Variants in PIP5K1C observed in about 807,000 individuals in gnomAD.
The protein encoded by PIP5K1C is phosphatidylinositol 4-phosphate 5-kinase type-1 gamma.
In PIP5K1C, 45 loss-of-function variants were observed where a neutral mutation model predicts 80.1. The ratio of observed to expected loss-of-function variants is 0.56; its 90% CI spans 0.44 to 0.72. The LOEUF (loss-of-function observed/expected upper bound fraction) is 0.72, where lower values mean the gene tolerates loss of function less well. Among genes scored for constraint, PIP5K1C ranks in the 30% least tolerant of loss-of-function variants. PIP5K1C has a pLI of 0.00. For missense variants in PIP5K1C, 753 were observed against 954.6 expected, an observed-to-expected ratio of 0.79 and a Z score of 2.78; for synonymous variants, 498 against 420.1, an observed-to-expected ratio of 1.19 and a Z score of -2.27.
intron 1 of PIP5K1C, among the ~76,000 whole-genome samples, chr19:3,682,762 C>T (rs1600076111): frequency 6.6e-6 from 1 of 152,272 alleles, no homozygotes; most frequent in East Asian, 1.9e-4. Context: ...CCAGTTGAGC[C>T]TTCAGAGGAG....
At chr19:3,697,348 G>C (rs1217297947) in intron 1 of PIP5K1C, among the ~76,000 whole-genome samples, 1 of 151,754 alleles carries the variant, frequency 6.6e-6, no homozygotes, top group Non-Finnish European at 1.5e-5. Flanking sequence ...GGACCGGGGA[G>C]GACCGAGCCA....
intron 6 of PIP5K1C, among the ~76,000 whole-genome samples, chr19:3,654,510 T>C (rs1446608632): frequency 6.6e-6 from 1 of 152,216 alleles, no homozygotes; most frequent in Non-Finnish European, 1.5e-5. Context: ...AAGAATGGTT[T>C]TTCCATTTTT....
At chr19:3,653,618 G>C (rs971983303) in intron 6 of PIP5K1C, 29 bp from the exon 7 acceptor site, 20 of 1,589,878 alleles carry the variant, frequency 1.3e-5, no homozygotes, top group Non-Finnish European at 1.7e-5. Flanking sequence ...AAGTCGTGGA[G>C]GGCGGCTGGG....
At chr19:3,639,604 T>TC (rs2033877995) in intron 15 of PIP5K1C, among the ~76,000 whole-genome samples, 1 of 152,040 alleles carries the variant, frequency 6.6e-6, no homozygotes. Context: ...ACTAATTTTT[T>TC]TTTTTTTTTT....
chr19:3,678,357 G>T (rs2035463163), intron 1 of PIP5K1C, among the ~76,000 whole-genome samples: 1 of 141,934 alleles, frequency 7.0e-6, no homozygotes. Context: ...TGGAGGGATG[G>T]AGGAATGGAG....
At chr19:3,665,891 G>A (rs2034990556) in intron 2 of PIP5K1C, among the ~76,000 whole-genome samples, 1 of 152,082 alleles carries the variant, frequency 6.6e-6, no homozygotes, top group Non-Finnish European at 1.5e-5. Context: ...AGACCCCATG[G>A]ACCCTCCACT....
In PIP5K1C at chr19:3,648,744, G is replaced by C. The variant is rs764746814; in HGVS notation, c.1128-36C>G. On this transcript the variant is annotated intron_variant, in intron 8 of 17. Coordinates refer to ENST00000335312, the MANE Select transcript of PIP5K1C (RefSeq NM_012398.3). The surrounding 1 kb of genome is among the most constrained non-coding windows in gnomAD (Gnocchi z 4.3). Reference sequence around the variant, plus strand: ...AGGCCGAGGGTACCATCAGCATCCCGCAGAGCTGGGACTCGGGGCAGGCGG... The same window carrying C: ...AGGCCGAGGGTACCATCAGCATCCCCCAGAGCTGGGACTCGGGGCAGGCGG... 7 of 1,575,404 alleles carry C rather than the reference G, an allele frequency of 4.4e-6. No individual in the cohort carries two copies. The Admixed American group carries it at 8.3e-5, about 19-fold the overall frequency.
intron 1 of PIP5K1C, among the ~76,000 whole-genome samples, chr19:3,680,616 G>C (rs1391468205): frequency 6.6e-6 from 1 of 152,210 alleles, no homozygotes; most frequent in Non-Finnish European, 1.5e-5. Context: ...TAAATACAAT[G>C]TCTAATAAGA....
intron 16 of PIP5K1C, 92 bp from the exon 17 acceptor site, chr19:3,633,612 A>G: frequency 2.3e-6 from 2 of 867,082 alleles, no homozygotes; most frequent in Non-Finnish European, 1.6e-6. Flanking sequence ...AGACAGGAGA[A>G]CATAAAAGAG....
chr19:3,663,389 C>A (rs2034902093), intron 3 of PIP5K1C, among the ~76,000 whole-genome samples: 1 of 152,120 alleles, frequency 6.6e-6, no homozygotes. Flanking sequence ...AAGCCACACT[C>A]TGGGTGGTGG....
chr19:3,684,259 A>G (rs1018661272), intron 1 of PIP5K1C, among the ~76,000 whole-genome samples: 13 of 152,116 alleles, frequency 8.5e-5, no homozygotes, highest in Non-Finnish European at 1.8e-4. Flanking sequence ...CATCAAGATG[A>G]GCTCATTGCC....
chr19:3,634,754 C>T (rs1488404958), intron 16 of PIP5K1C, among the ~76,000 whole-genome samples: 1 of 152,240 alleles, frequency 6.6e-6, no homozygotes, highest in Non-Finnish European at 1.5e-5. Flanking sequence ...GGCTCTGCCT[C>T]CATGCTCCCT....
intron 1 of PIP5K1C, among the ~76,000 whole-genome samples, chr19:3,682,359 G>C (rs1600075276): frequency 7.2e-6 from 1 of 138,502 alleles, no homozygotes; most frequent in Middle Eastern, 4.5e-3. Context: ...GGACAACAGA[G>C]CAAGACTCCA....
intron 1 of PIP5K1C, among the ~76,000 whole-genome samples, chr19:3,694,875 C>T (rs1303332564): frequency 2.6e-5 from 4 of 152,204 alleles, no homozygotes; most frequent in African/African-American, 7.2e-5. Context: ...CAACGCAGCC[C>T]GGCTCTGGGC....
intron 4 of PIP5K1C, 28 bp from the exon 5 acceptor site, chr19:3,661,111 G>A (rs1193620260): frequency 1.3e-6 from 2 of 1,494,720 alleles, no homozygotes; most frequent in Admixed American, 1.7e-5. Flanking sequence ...GAGGAAACCT[G>A]TGAGGGGTGG....
rs544594594 is a variant in PIP5K1C, at chr19:3,688,382, G to C, written c.94+11915C>G. Among the ~76,000 whole-genome samples the C allele has an allele frequency of 1.3e-5, 2 of 152,284 alleles. No homozygotes were observed. The highest frequency in any genetic ancestry group is 2.9e-5 in the Non-Finnish European group (2 of 68,006). The stretch of plus-strand genomic sequence containing the variant: ...GAGCTCCTGTTCCTCACCTGCGAGG[G>C]GGGGACGGCCTCTGGCCCCCTGCTG... On this transcript the variant is annotated intron_variant, in intron 1 of 17. Transcript: ENST00000335312. The surrounding 1 kb of genome is among the most constrained non-coding windows in gnomAD (Gnocchi z 5.3).
At chr19:3,670,434 G>A (rs759573455) in intron 1 of PIP5K1C, among the ~76,000 whole-genome samples, 1 of 152,216 alleles carries the variant, frequency 6.6e-6, no homozygotes, top group Admixed American at 6.5e-5. Flanking sequence ...CACTCCTCCA[G>A]GCCCTGAAAC....
In PIP5K1C at chr19:3,630,450, G is replaced by C. The variant is rs1015648255; in HGVS notation, c.*2717C>G. On this transcript the variant is annotated 3_prime_UTR_variant, in exon 18 of 18. Transcript: ENST00000335312. ...AGGTTTGCAGTTTCATTTTGTTTCAGAATCAGTTTGGCCATAAAAATGGGA... is the reference window on the plus strand; with the variant it reads ...AGGTTTGCAGTTTCATTTTGTTTCACAATCAGTTTGGCCATAAAAATGGGA... 5.2e-5 allele frequency: 8 copies of C among 152,504 alleles called. No homozygotes were observed. Among genetic ancestry groups the C allele is most frequent in the Non-Finnish European group, 7.3e-5 (5 of 68,040 alleles). 9.4% of individuals were successfully genotyped at this position (152,504 alleles called of 1,614,324 possible).
Position 3,651,940 on chromosome 19 carries a change from G to A in PIP5K1C, c.1013C>T (p.Ala338Val). The change falls in exon 8 of 18, where the codon GCC becomes GTC. Residue 338 changes from alanine (A) to valine (V), a missense_variant. By Grantham distance (64) the Ala-to-Val change is moderately conservative. Around this residue, in one of 6 missense-constraint regions of PIP5K1C, gnomAD observed 105 missense variants for 133.4 expected, o/e 0.79. Coordinates refer to ENST00000335312, the MANE Select transcript of PIP5K1C (RefSeq NM_012398.3). The part of the protein sequence containing the change: ...QHERERQAQG[A>V]QSTSDEKRPV... ...CCGCTTCTCATCTGAGGTGCTCTGG[G>A]CGCCCTGCGCCTGCCGCTCGCGCTC... The A allele has an allele frequency of 6.2e-7, 1 of 1,612,906 alleles. No individual in the cohort carries two copies. Among genetic ancestry groups the A allele is most frequent in the Non-Finnish European group, 8.5e-7 (1 of 1,179,954 alleles).
Sources: allele counts gnomAD v4.1 joint callset (sites outside exome capture counted in the v4.1 genomes callset), GRCh38; gene constraint gnomAD v4.1.1; regional missense constraint gnomAD v4.1.1; non-coding constraint Gnocchi (gnomAD v3.1); transcripts MANE v1.5; gene names NCBI Gene and HGNC (gene_info 2026-07-23, HGNC 2026-07-21).